Variants in SDK1 observed in about 807,000 individuals in gnomAD.
SDK1 encodes the protein sidekick cell adhesion molecule 1.
In SDK1, 157 loss-of-function variants were observed where a neutral mutation model predicts 245.5. The ratio of observed to expected loss-of-function variants is 0.64; its 90% confidence interval spans 0.56 to 0.73. The LOEUF (loss-of-function observed/expected upper bound fraction) is 0.73, where lower values mean the gene tolerates loss of function less well. Among genes scored for constraint, SDK1 ranks in the 30% least tolerant of loss-of-function variants. SDK1 has a pLI of 0.00. For missense variants in SDK1, 3,583 were observed against 3,002.3 expected (o/e 1.19, Z -4.52); for synonymous variants, 1,647 against 1,278.5 (o/e 1.29, Z -6.15).
chr7:4,093,808 C>T (rs1297643833), intron 22 of SDK1, among the ~76,000 whole-genome samples: 2 of 152,190 alleles, frequency 1.3e-5, no homozygotes, highest in African/African-American at 4.8e-5. Context: ...AGGCCACGGG[C>T]TGTGTTTCAT....
rs1051802384 is a variant in SDK1 at position 4,127,281 on chromosome 7, G to C, written c.3824-100G>C. 16 of 842,250 alleles carry C rather than the reference G, an allele frequency of 1.9e-5. No individual in the cohort carries two copies. The African/African-American group carries it at 2.2e-4, about 11-fold the overall frequency. The allele number at this position is 842,250 out of a possible 1,614,324, so 52.2% of individuals were successfully genotyped here. A position where few individuals can be genotyped will look rare whatever the true frequency, so the allele number is the denominator to read the frequency against. Reference sequence around the variant, plus strand: ...CACTACAAAATGCTTAGAATACGTTGCTATTTCAAGGACAACTTGATTATT... The same window carrying C: ...CACTACAAAATGCTTAGAATACGTTCCTATTTCAAGGACAACTTGATTATT... On this transcript the variant is annotated intron_variant, in intron 25 of 44. Transcript: ENST00000404826.
chr7:3,755,505 C>T (rs1779896164), intron 4 of SDK1, among the ~76,000 whole-genome samples: 1 of 152,050 alleles, frequency 6.6e-6, no homozygotes, highest in Non-Finnish European at 1.5e-5. Flanking sequence ...AGTGGGAAGT[C>T]TAAAATTATG....
intron 1 of SDK1, among the ~76,000 whole-genome samples, chr7:3,548,043 T>C (rs1387521855): frequency 6.6e-6 from 1 of 152,254 alleles, no homozygotes; most frequent in East Asian, 1.9e-4. Context: ...TCCAAGAATT[T>C]GTCTCCCCAG....
intron 7 of SDK1, 25 bp from the exon 8 acceptor site, chr7:3,958,906 C>A (rs1562573341): frequency 1.3e-6 from 2 of 1,582,562 alleles, no homozygotes; most frequent in South Asian, 2.2e-5. Context: ...GGCTTAGGGG[C>A]TTTTTTTTAT....
At chr7:3,445,814 T>C (rs933121111) in intron 1 of SDK1, among the ~76,000 whole-genome samples, 2 of 152,162 alleles carry the variant, frequency 1.3e-5, no homozygotes, top group African/African-American at 4.8e-5. Context: ...GAGAAGACAG[T>C]CTATTGTGTT....
chr7:3,374,862 T>C (rs189122949), intron 1 of SDK1, among the ~76,000 whole-genome samples: 155 of 152,344 alleles, frequency 1.0e-3, no homozygotes, highest in Non-Finnish European at 1.7e-3. Context: ...ATGCTTTTTT[T>C]CCCACAGCAC....
At chr7:3,634,210 C>G (rs1782386894) in intron 2 of SDK1, among the ~76,000 whole-genome samples, 1 of 152,074 alleles carries the variant, frequency 6.6e-6, no homozygotes, top group Admixed American at 6.6e-5. Flanking sequence ...GTGGCAGATT[C>G]TCCAAATACA....
At chr7:3,938,495 A>T (rs752220523) in intron 5 of SDK1, among the ~76,000 whole-genome samples, 6 of 151,848 alleles carry the variant, frequency 4.0e-5, no homozygotes, top group Non-Finnish European at 8.8e-5. Context: ...ACAAAAACAA[A>T]ATTAGCCGGG....
intron 40 of SDK1, among the ~76,000 whole-genome samples, chr7:4,232,392 C>CTTT (rs1178308855): frequency 2.3e-4 from 19 of 81,796 alleles, no homozygotes; most frequent in African/African-American, 8.6e-4. Flanking sequence ...TTCTTTTTTT[C>CTTT]TTTTCTTTTC....
At chr7:3,901,166 C>T (rs1359592672) in intron 5 of SDK1, among the ~76,000 whole-genome samples, 1 of 151,998 alleles carries the variant, frequency 6.6e-6, no homozygotes, top group Non-Finnish European at 1.5e-5. Context: ...TTGTCAGATT[C>T]AAGTTAACTG....
intron 4 of SDK1, among the ~76,000 whole-genome samples, chr7:3,766,127 A>G (rs1435366824): frequency 6.6e-6 from 1 of 152,176 alleles, no homozygotes; most frequent in Non-Finnish European, 1.5e-5. Flanking sequence ...TAGAAACTTC[A>G]TGTTTGAGGA....
intron 22 of SDK1, among the ~76,000 whole-genome samples, chr7:4,080,255 C>G (rs897833857): frequency 2.0e-5 from 3 of 152,040 alleles, no homozygotes; most frequent in Non-Finnish European, 4.4e-5. Context: ...GACTTCCGGT[C>G]CGACTCCAGC....
chr7:4,044,897 T>C (rs1335216267), intron 17 of SDK1, among the ~76,000 whole-genome samples: 1 of 152,096 alleles, frequency 6.6e-6, no homozygotes, highest in Non-Finnish European at 1.5e-5. Context: ...TTCTGTCACC[T>C]CCCCCAAAAG....
In SDK1 at chr7:3,612,468, A is replaced by C. The variant is rs144226874; in HGVS notation, c.299-6612A>C. ...AAATTCCTGGCTTCAATAGGTATACATAATGAACTGCCAGCAGCTGAAATT... is the reference window on the plus strand; with the variant it reads ...AAATTCCTGGCTTCAATAGGTATACCTAATGAACTGCCAGCAGCTGAAATT... On this transcript the variant is annotated intron_variant, in intron 1 of 44. Coordinates refer to ENST00000404826, the MANE Select transcript of SDK1 (RefSeq NM_152744.4). Among the ~76,000 whole-genome samples, 1,142 of 152,320 alleles carry C rather than the reference A, an allele frequency of 7.5e-3. 10 individuals are homozygous for C. Among genetic ancestry groups the C allele is most frequent in the Middle Eastern group, 0.027 (8 of 294 alleles).
chr7:3,642,440 A>G (rs1344624572), intron 4 of SDK1, among the ~76,000 whole-genome samples: 4 of 152,256 alleles, frequency 2.6e-5, no homozygotes, highest in African/African-American at 4.8e-5. Flanking sequence ...GCCTCCTAGT[A>G]CTAATTTAAT....
chr7:4,265,656 C>G lies in SDK1; in HGVS notation c.*272C>G. The G allele has an allele frequency of 8.1e-7, 1 of 1,230,580 alleles. No individual in the cohort carries two copies. Among genetic ancestry groups the G allele is most frequent in the Non-Finnish European group, 1.0e-6 (1 of 989,158 alleles). 76.2% of individuals were successfully genotyped at this position (1,230,580 alleles called of 1,614,324 possible). ...ATTTCACTGGTGCAATGGCTTGGCA[C>G]CTCCGGGGCCTGGGAGGACCTCAGA... On this transcript the variant is annotated 3_prime_UTR_variant, in exon 45 of 45. Coordinates refer to ENST00000404826, the MANE Select transcript of SDK1 (RefSeq NM_152744.4).
chr7:3,892,101 A>G (rs1781474398), intron 5 of SDK1, among the ~76,000 whole-genome samples: 1 of 152,102 alleles, frequency 6.6e-6, no homozygotes, highest in Non-Finnish European at 1.5e-5. Flanking sequence ...CATTTTTCCA[A>G]CTTCCTTTAA....
intron 4 of SDK1, among the ~76,000 whole-genome samples, chr7:3,806,640 T>C (rs553067121): frequency 6.6e-6 from 1 of 152,356 alleles, no homozygotes; most frequent in East Asian, 1.9e-4. Context: ...CTAAAACGCC[T>C]GTGGAGAAAT....
chr7:3,449,593 A>G (rs146870739), intron 1 of SDK1, among the ~76,000 whole-genome samples: 4 of 152,340 alleles, frequency 2.6e-5, no homozygotes, highest in Non-Finnish European at 4.4e-5. Context: ...AACACCTTGA[A>G]TATTTAACAG....
Sources: allele counts gnomAD v4.1 joint callset (sites outside exome capture counted in the v4.1 genomes callset), GRCh38; gene constraint gnomAD v4.1.1; transcripts MANE v1.5; gene names NCBI Gene and HGNC (gene_info 2026-07-23, HGNC 2026-07-21).